The following PPFIA2 variants were observed in gnomAD, a reference collection of about 807,000 sequenced individuals.
PPFIA2 encodes liprin-alpha-2.
Under a neutral mutation model 175.5 loss-of-function variants are expected in PPFIA2, and 46 were observed. The observed-to-expected ratio is 0.26, with a 90% confidence interval of 0.21 to 0.34. The LOEUF is 0.34. PPFIA2 is among the 10% of genes least tolerant of loss of function. The pLI, the probability that PPFIA2 is intolerant of heterozygous loss-of-function variation, is 1.00. For synonymous variants in PPFIA2, 568 were observed against 511.4 expected (o/e 1.11, Z -1.49); for missense variants, 1,179 against 1,506.1 (o/e 0.78, Z 3.60).
intron 22 of PPFIA2, among the ~76,000 whole-genome samples, chr12:81,308,182 CAGTT>C (rs2049813073): frequency 6.6e-6 from 1 of 152,074 alleles, no homozygotes; most frequent in South Asian, 2.1e-4. Flanking sequence ...TCATCTGAAC[CAGTT>C]CATATTCTTA....
chr12:81,718,425 G>C (rs1169775598), intron 3 of PPFIA2, among the ~76,000 whole-genome samples: 1 of 151,514 alleles, frequency 6.6e-6, no homozygotes, highest in Non-Finnish European at 1.5e-5. Flanking sequence ...TGAGTGGAGA[G>C]GTAGAAACTG....
intron 3 of PPFIA2, among the ~76,000 whole-genome samples, chr12:81,713,900 G>C (rs544118384): frequency 6.6e-6 from 1 of 151,216 alleles, no homozygotes; most frequent in South Asian, 2.1e-4. Context: ...TTGTCTGTTA[G>C]TAATAAATGC....
chr12:81,631,544 C>T (rs2063386693), intron 4 of PPFIA2, among the ~76,000 whole-genome samples: 1 of 152,034 alleles, frequency 6.6e-6, no homozygotes, highest in Non-Finnish European at 1.5e-5. Context: ...TATAGAAATA[C>T]AGAGAAAAAA....
chr12:81,620,159 CAAAAAAAAAA>C (rs376856927), intron 4 of PPFIA2, among the ~76,000 whole-genome samples: 1 of 54,614 alleles, frequency 1.8e-5, no homozygotes, highest in Admixed American at 2.7e-4. Flanking sequence ...CACTCCTTCT[CAAAAAAAAAA>C]AAAAAAAAAA....
chr12:81,380,550 C>T (rs1164104577), intron 9 of PPFIA2, among the ~76,000 whole-genome samples: 1 of 151,830 alleles, frequency 6.6e-6, no homozygotes, highest in Non-Finnish European at 1.5e-5. Context: ...AAAAAAAGAT[C>T]CAAATATTGA....
intron 19 of PPFIA2, among the ~76,000 whole-genome samples, chr12:81,342,560 T>C (rs17245501): frequency 0.088 from 13,375 of 152,178 alleles, 826 homozygotes; most frequent in Middle Eastern, 0.16. Context: ...TTTATATAAT[T>C]CCTTTGCTCT....
intron 16 of PPFIA2, among the ~76,000 whole-genome samples, chr12:81,355,417 T>C (rs1193875461): frequency 6.6e-6 from 1 of 152,178 alleles, no homozygotes; most frequent in Non-Finnish European, 1.5e-5. Context: ...ATTTTCAGCA[T>C]AGTGAATGAG....
At chr12:81,739,709 G>A (rs1264759944) in intron 3 of PPFIA2, among the ~76,000 whole-genome samples, 1 of 151,916 alleles carries the variant, frequency 6.6e-6, no homozygotes, top group East Asian at 1.9e-4. Flanking sequence ...TACACTAAAA[G>A]TGGACATAAA....
At chr12:81,340,959 C>A in intron 20 of PPFIA2, 119 bp downstream of exon 20, 1 of 1,086,642 alleles carries the variant, frequency 9.2e-7, no homozygotes, top group Non-Finnish European at 1.2e-6. Flanking sequence ...GAAAGGGAAG[C>A]TGGAGAATTC....
chr12:81,532,685 C>T (rs1405909219), intron 4 of PPFIA2, among the ~76,000 whole-genome samples: 1 of 151,636 alleles, frequency 6.6e-6, no homozygotes, highest in African/African-American at 2.4e-5. Flanking sequence ...ACAATCTATC[C>T]CATTTGCAGA....
At chr12:81,400,108 T>C (rs1467361003) in intron 8 of PPFIA2, among the ~76,000 whole-genome samples, 1 of 152,174 alleles carries the variant, frequency 6.6e-6, no homozygotes, top group Admixed American at 6.5e-5. Context: ...TGATGTTTAT[T>C]AGTATTTTAA....
chr12:81,442,750 T>C (rs4842298), intron 6 of PPFIA2, among the ~76,000 whole-genome samples: 21,511 of 146,832 alleles, frequency 0.15, 2,348 homozygotes, highest in East Asian at 0.41. Flanking sequence ...TCAATCCTTG[T>C]AGAGTTTATT....
rs532622433 is a variant in PPFIA2 at position 81,633,433 on chromosome 12, G to T, written c.303+43358C>A. On this transcript the variant is annotated intron_variant, in intron 4 of 32. Coordinates refer to ENST00000549396, the MANE Select transcript of PPFIA2 (RefSeq NM_003625.5). ...TCCCCACCATTTAGTTGCTGGCAAT[G>T]TTCTTGAGAGGCAGACATGCAGACA... Among the ~76,000 whole-genome samples, 14 of 152,110 alleles carry T rather than the reference G, an allele frequency of 9.2e-5. No individual in the cohort carries two copies. The South Asian group carries it at 2.3e-3, about 25-fold the overall frequency.
chr12:81,419,858 C>T (rs1943351098), intron 7 of PPFIA2, among the ~76,000 whole-genome samples: 1 of 152,110 alleles, frequency 6.6e-6, no homozygotes, highest in Non-Finnish European at 1.5e-5. Flanking sequence ...CTAGTACCAC[C>T]ATTGTTCGAT....
intron 3 of PPFIA2, among the ~76,000 whole-genome samples, chr12:81,720,045 T>TAA (rs5799551): frequency 6.6e-6 from 1 of 150,550 alleles, no homozygotes; most frequent in Non-Finnish European, 1.5e-5. Context: ...TTAGTAAATT[T>TAA]AAAAAAAAAT....
At chr12:81,390,230 A>G (rs556859869) in intron 8 of PPFIA2, among the ~76,000 whole-genome samples, 12 of 152,200 alleles carry the variant, frequency 7.9e-5, no homozygotes, top group Admixed American at 6.6e-4. Context: ...GCTACTATAA[A>G]TAACTGCCGT....
chr12:81,302,538 T>A (rs12312518), intron 22 of PPFIA2: 4,492 of 252,854 alleles, frequency 0.018, 216 homozygotes, highest in African/African-American at 0.097. Context: ...ATAAGGGAGC[T>A]CAAATCCTTT....
At chr12:81,466,376 T>C (rs1488444920) in intron 4 of PPFIA2, among the ~76,000 whole-genome samples, 1 of 152,204 alleles carries the variant, frequency 6.6e-6, no homozygotes, top group Non-Finnish European at 1.5e-5. Context: ...CCTTGGTAGA[T>C]GTGTACTTGG....
intron 21 of PPFIA2, among the ~76,000 whole-genome samples, chr12:81,328,231 C>T (rs2055255153): frequency 6.6e-6 from 1 of 152,138 alleles, no homozygotes; most frequent in Non-Finnish European, 1.5e-5. Context: ...TATCTAAATC[C>T]AGTGAGAGTC....
Sources: allele counts gnomAD v4.1 joint callset (sites outside exome capture counted in the v4.1 genomes callset), GRCh38; gene constraint gnomAD v4.1.1; transcripts MANE v1.5; gene names NCBI Gene and HGNC (gene_info 2026-07-23, HGNC 2026-07-21).